FAM13B: variants seen among roughly 807,000 people sequenced by gnomAD.
FAM13B encodes the protein family with sequence similarity 13 member B.
Under a neutral mutation model 117.3 loss-of-function variants are expected in FAM13B, and 60 were observed. That is an observed-to-expected ratio of 0.51 (90% CI 0.42 to 0.63). FAM13B has a LOEUF of 0.63. Ranked by LOEUF, FAM13B falls within the 30% of genes least tolerant of loss-of-function variation. The pLI, the probability that FAM13B is intolerant of heterozygous loss-of-function variation, is 0.00. For synonymous variants in FAM13B, 332 were observed against 356.1 expected (o/e 0.93, Z 0.76); for missense variants, 972 against 1,091.9 (o/e 0.89, Z 1.55).
intron 7 of FAM13B, among the ~76,000 whole-genome samples, chr5:137,989,285 C>T (rs549332574): frequency 2.0e-5 from 3 of 152,346 alleles, no homozygotes; most frequent in South Asian, 4.1e-4. Context: ...CTGCAGGAAA[C>T]CAAATGAGTA....
At chr5:138,022,847 G>A (rs4835749) in intron 1 of FAM13B, among the ~76,000 whole-genome samples, 111,145 of 149,686 alleles carry the variant, frequency 0.74, 41,675 homozygotes, top group East Asian at 0.97. Context: ...TTTTTTTTTC[G>A]AGACAGGGTC....
At chr5:138,001,653 T>C (rs1209142412) in intron 7 of FAM13B, among the ~76,000 whole-genome samples, 1 of 152,112 alleles carries the variant, frequency 6.6e-6, no homozygotes, top group East Asian at 1.9e-4. Context: ...AGACAGACAA[T>C]AACAATAATA....
At position 137,989,369 on chromosome 5, in the gene FAM13B, CAGTA is replaced by C. The variant is rs568534873; in HGVS notation, c.849-1058_849-1055del. The stretch of plus-strand genomic sequence containing the variant: ...AGTGAACAAATGCTTTATCAAACAA[CAGTA>C]AGCCCTCTTGGTCTGACACACATAA... On this transcript the variant is annotated intron_variant, in intron 7 of 23. Coordinates refer to ENST00000689681, the MANE Select transcript of FAM13B (RefSeq NM_001385994.1). Among the ~76,000 whole-genome samples the C allele has an allele frequency of 1.2e-3, 188 of 152,334 alleles. 4 individuals carry two copies. Among genetic ancestry groups the C allele is most frequent in the Middle Eastern group, 0.01 (3 of 294 alleles).
intron 2 of FAM13B, chr5:138,019,987 A>G (rs1355419340): frequency 1.0e-6 from 1 of 980,206 alleles, no homozygotes; most frequent in East Asian, 1.1e-4. Flanking sequence ...CCTGTAATAC[A>G]TTTTTATAAA....
chr5:138,051,210 A>G (rs1456821991), intron 1 of FAM13B, among the ~76,000 whole-genome samples: 1 of 152,184 alleles, frequency 6.6e-6, no homozygotes, highest in Non-Finnish European at 1.5e-5. Context: ...CTTTTTACAC[A>G]TATTATTCCT....
intron 1 of FAM13B, chr5:138,039,082 G>A (rs1791389264): frequency 6.6e-6 from 1 of 152,200 alleles, no homozygotes; most frequent in South Asian, 2.1e-4. Context: ...TCAGAATTCA[G>A]TGTATGACAA....
chr5:138,041,156 G>A (rs1791490813), intron 1 of FAM13B, among the ~76,000 whole-genome samples: 1 of 151,464 alleles, frequency 6.6e-6, no homozygotes, highest in African/African-American at 2.4e-5. Flanking sequence ...AACAATAGAA[G>A]CCAAATGATA....
chr5:138,032,181 C>T (rs1177684278), intron 1 of FAM13B, among the ~76,000 whole-genome samples: 1 of 152,210 alleles, frequency 6.6e-6, no homozygotes, highest in African/African-American at 2.4e-5. Flanking sequence ...AGGCGTGCCA[C>T]GCGAACCCTA....
rs918919505 is a variant in FAM13B, at chr5:138,033,034, G to A, written c.-455C>T. The A allele has an allele frequency of 3.0e-6, 3 of 986,732 alleles. No individual in the cohort carries two copies. The highest frequency in any genetic ancestry group is 3.5e-5 in the African/African-American group (2 of 57,254). The allele number at this position is 986,732 out of a possible 1,614,324, so 61.1% of individuals were successfully genotyped here. ...GGAGAGAGTGGCGACAGAGGCGGCG[G>A]CTGAGGTGCAGAGCCTCCCTAACGG... On this transcript the variant is annotated 5_prime_UTR_variant, in exon 1 of 24. Coordinates refer to ENST00000689681, the MANE Select transcript of FAM13B (RefSeq NM_001385994.1).
In FAM13B at chr5:137,940,104, A is replaced by G. The variant is rs1248169310; in HGVS notation, c.*121T>C. The G allele has an allele frequency of 6.2e-7, 1 of 1,614,062 alleles. No individual in the cohort carries two copies. The highest frequency in any genetic ancestry group is 1.3e-5 in the African/African-American group (1 of 74,940). On this transcript the variant is annotated 3_prime_UTR_variant, in exon 24 of 24. Coordinates refer to ENST00000689681, the MANE Select transcript of FAM13B (RefSeq NM_001385994.1). The stretch of plus-strand genomic sequence containing the variant: ...GTTTTGTTTAGTGGCACCACAACCA[A>G]GTACAAAATGAGATTCTCTGAGTGC...
At chr5:137,960,061 T>C in intron 12 of FAM13B, 105 bp downstream of exon 12, 3 of 759,040 alleles carry the variant, frequency 4.0e-6, no homozygotes, top group South Asian at 1.7e-5. Context: ...GGTAAGAGTA[T>C]TTATATTTAA....
At chr5:137,950,843 G>T (rs929984246) in intron 17 of FAM13B, among the ~76,000 whole-genome samples, 2 of 152,270 alleles carry the variant, frequency 1.3e-5, no homozygotes, top group Middle Eastern at 3.4e-3. Flanking sequence ...ACTGGAAATT[G>T]GCATTAAACA....
At chr5:137,994,501 TAG>T (rs768479827) in intron 7 of FAM13B, among the ~76,000 whole-genome samples, 2 of 152,224 alleles carry the variant, frequency 1.3e-5, no homozygotes, top group African/African-American at 2.4e-5. Context: ...TATATCAATA[TAG>T]TTATGCATCT....
At chr5:137,966,480 TATATATATAGAGAGAGAGAGAG>T (rs1769868406) in intron 10 of FAM13B, among the ~76,000 whole-genome samples, 1 of 59,082 alleles carries the variant, frequency 1.7e-5, no homozygotes, top group African/African-American at 6.3e-5. Context: ...TATATATATA[TATATATATAGAGAGAGAGAGAG>T]AGAGAGAGAG....
In FAM13B at chr5:137,939,252, G is replaced by A. The variant is rs1252314362; in HGVS notation, c.*973C>T. On this transcript the variant is annotated 3_prime_UTR_variant, in exon 24 of 24. Transcript: ENST00000689681. ...AAAAAAAAAAAGATAACCCCCTGAA[G>A]GTACATGTGAAAATGCAGTGGTAGA... The A allele has an allele frequency of 2.6e-5, 4 of 152,490 alleles. No individual in the cohort carries two copies. The East Asian group carries it at 7.7e-4, about 29-fold the overall frequency. 9.4% of individuals were successfully genotyped at this position (152,490 alleles called of 1,614,324 possible). A position where few individuals can be genotyped will look rare whatever the true frequency, so the allele number is the denominator to read the frequency against.
Position 138,010,158 on chromosome 5 carries a change from T to G in FAM13B, c.690+850A>C, listed in dbSNP as rs551879654. 3.6e-3 allele frequency among the ~76,000 whole-genome samples: 545 copies of G among 152,230 alleles called. 2 individuals are homozygous for G. The highest frequency in any genetic ancestry group is 6.7e-3 in the Non-Finnish European group (455 of 68,010). ...CCTATGCCTGGCTAATTTTTATATT[T>G]TTAGTACAGACAGTGTTTCACCATG... is the stretch of plus-strand genomic sequence containing the variant. On this transcript the variant is annotated intron_variant, in intron 6 of 23. Transcript: ENST00000689681.
At chr5:138,007,341 A>T (rs1782803262) in intron 6 of FAM13B, among the ~76,000 whole-genome samples, 194 bp from the exon 7 acceptor site, 1 of 152,244 alleles carries the variant, frequency 6.6e-6, no homozygotes, top group Non-Finnish European at 1.5e-5. Context: ...AGACAAATGT[A>T]ACATTTTGAA....
At chr5:137,970,038 A>G (rs1771561587) in intron 10 of FAM13B, among the ~76,000 whole-genome samples, 1 of 152,248 alleles carries the variant, frequency 6.6e-6, no homozygotes, top group East Asian at 1.9e-4. Flanking sequence ...AACATTCTGC[A>G]GGATATTATC....
At chr5:137,945,517 G>GA (rs1298253197) in intron 20 of FAM13B, among the ~76,000 whole-genome samples, 2 of 152,160 alleles carry the variant, frequency 1.3e-5, no homozygotes, top group Non-Finnish European at 2.9e-5. Context: ...TCAACGACAT[G>GA]AATTTAAATG....
Sources: gnomAD v4.1 joint callset for allele counts (sites outside exome capture counted in the v4.1 genomes callset) on GRCh38, gnomAD v4.1.1 for gene constraint, MANE v1.5 for transcripts, NCBI Gene and HGNC (gene_info 2026-07-23, HGNC 2026-07-21) for gene names.